The following MVB12B variants were observed in gnomAD, a reference collection of about 807,000 sequenced individuals.
MVB12B encodes multivesicular body subunit 12B.
A neutral mutation model predicts 41.6 loss-of-function variants in MVB12B; 16 were observed. That is an observed-to-expected ratio of 0.38 (90% CI 0.26 to 0.58). The LOEUF is 0.58. Ranked by LOEUF, MVB12B falls within the 20% of genes least tolerant of loss-of-function variation. The probability of loss-of-function intolerance (pLI) is 0.62; values close to 1 mark genes in which losing one functional copy is unlikely to be tolerated. For missense variants in MVB12B, 274 were observed against 380.2 expected (o/e 0.72, Z 2.32); for synonymous variants, 133 against 139.7 (o/e 0.95, Z 0.34).
chr9:126,332,651 T>G (rs912669557), intron 1 of MVB12B, among the ~76,000 whole-genome samples: 2 of 151,844 alleles, frequency 1.3e-5, no homozygotes, highest in Non-Finnish European at 2.9e-5. Flanking sequence ...CTGGAAGGGG[T>G]CTGACAGCTC....
intron 3 of MVB12B, among the ~76,000 whole-genome samples, chr9:126,384,833 GAT>G (rs1830730464): frequency 1.0e-5 from 1 of 97,166 alleles, no homozygotes; most frequent in Non-Finnish European, 1.9e-5. Flanking sequence ...ATGCCTGGCA[GAT>G]TTTTTTTTTT....
chr9:126,476,535 C>A (rs1445340147), intron 7 of MVB12B, among the ~76,000 whole-genome samples: 1 of 152,130 alleles, frequency 6.6e-6, no homozygotes, highest in African/African-American at 2.4e-5. Context: ...CATACGTATG[C>A]ACTTATAATG....
At chr9:126,491,430 ATT>A (rs910302856) in intron 9 of MVB12B, among the ~76,000 whole-genome samples, 12 of 152,164 alleles carry the variant, frequency 7.9e-5, no homozygotes, top group Non-Finnish European at 1.5e-4. Context: ...ATGTTGAAGA[ATT>A]TTGTGGCGCG....
In MVB12B at chr9:126,354,323, A is replaced by G. The variant is rs181181900; in HGVS notation, c.204+13693A>G. Among the ~76,000 whole-genome samples the G allele has an allele frequency of 2.0e-5, 3 of 152,252 alleles. No homozygotes were observed. The East Asian group carries it at 5.8e-4, about 29-fold the overall frequency. The stretch of plus-strand genomic sequence containing the variant: ...GTTGATATGTTTGTTCCTCTTATCA[A>G]AGTTTTGTTTCGTTTTTATGTAATC... On this transcript the variant is annotated intron_variant, in intron 2 of 9. Transcript: ENST00000361171.
intron 7 of MVB12B, among the ~76,000 whole-genome samples, chr9:126,477,301 T>G (rs1833442283): frequency 6.6e-6 from 1 of 152,176 alleles, no homozygotes; most frequent in Non-Finnish European, 1.5e-5. Flanking sequence ...CAGGTCTCGA[T>G]CTCCAACATT....
chr9:126,328,621 G>A (rs1268864492), intron 1 of MVB12B, among the ~76,000 whole-genome samples: 1 of 152,166 alleles, frequency 6.6e-6, no homozygotes. Context: ...TGGGATTATG[G>A]CGTGATGTAA....
At chr9:126,403,950 CTTTTTT>C (rs36030597) in intron 6 of MVB12B, among the ~76,000 whole-genome samples, 1 of 104,730 alleles carries the variant, frequency 9.5e-6, no homozygotes, top group African/African-American at 3.6e-5. Flanking sequence ...TCCTTTAAAT[CTTTTTT>C]TTTTTTTTTT....
intron 7 of MVB12B, among the ~76,000 whole-genome samples, chr9:126,450,530 T>G (rs1832870128): frequency 6.6e-6 from 1 of 152,186 alleles, no homozygotes; most frequent in African/African-American, 2.4e-5. Flanking sequence ...TGAGGATTAT[T>G]TACAGGAAAC....
intron 7 of MVB12B, among the ~76,000 whole-genome samples, chr9:126,425,195 G>A (rs556963043): frequency 1.3e-5 from 2 of 152,240 alleles, no homozygotes; most frequent in African/African-American, 4.8e-5. Context: ...ATCCCTTGAG[G>A]CCAGGAGTTT....
intron 9 of MVB12B, among the ~76,000 whole-genome samples, chr9:126,500,425 G>C (rs906671077): frequency 6.6e-6 from 1 of 151,416 alleles, no homozygotes; most frequent in Admixed American, 6.6e-5. Context: ...TCTGCACAGC[G>C]TGTGGTCTCT....
At chr9:126,445,920 A>G (rs943570620) in intron 7 of MVB12B, among the ~76,000 whole-genome samples, 1 of 152,120 alleles carries the variant, frequency 6.6e-6, no homozygotes, top group Non-Finnish European at 1.5e-5. Flanking sequence ...AATACAGATC[A>G]TTTTGTCTCT....
At chr9:126,403,598 A>G (rs1205636532) in intron 6 of MVB12B, among the ~76,000 whole-genome samples, 1 of 152,194 alleles carries the variant, frequency 6.6e-6, no homozygotes, top group Non-Finnish European at 1.5e-5. Flanking sequence ...TTAAAGCCTC[A>G]AAAGAGGCTA....
intron 2 of MVB12B, among the ~76,000 whole-genome samples, chr9:126,350,628 A>G (rs1165691391): frequency 6.6e-6 from 1 of 152,176 alleles, no homozygotes; most frequent in African/African-American, 2.4e-5. Context: ...GAGTGCTAAC[A>G]TGCTAGCTCA....
At chr9:126,406,731 T>C (rs1408736871) in intron 6 of MVB12B, among the ~76,000 whole-genome samples, 1 of 152,252 alleles carries the variant, frequency 6.6e-6, no homozygotes, top group African/African-American at 2.4e-5. Context: ...GTCGGTGTTT[T>C]GGCATTGCAA....
chr9:126,424,391 G>C lies in MVB12B; in HGVS notation c.757+2443G>C, dbSNP rs147198543. 1.1e-4 allele frequency among the ~76,000 whole-genome samples: 16 copies of C among 152,262 alleles called. No homozygotes were observed. In the East Asian group the frequency reaches 3.1e-3, roughly 29 times the overall value. On this transcript the variant is annotated intron_variant, in intron 7 of 9. Coordinates refer to ENST00000361171, the MANE Select transcript of MVB12B (RefSeq NM_033446.3). ...GTAGTCCCATCCCTGGCACAAAGCA[G>C]TGCTCATGATGTGGTCATGGAAGGA...
At chr9:126,330,682 C>T (rs980522431) in intron 1 of MVB12B, among the ~76,000 whole-genome samples, 1 of 152,170 alleles carries the variant, frequency 6.6e-6, no homozygotes, top group South Asian at 2.1e-4. Context: ...TATGCACATT[C>T]ACACTGTGGT....
At position 126,357,737 on chromosome 9, in the gene MVB12B, T is replaced by C. The variant is rs774513001; in HGVS notation, c.204+17107T>C. 2.6e-5 allele frequency among the ~76,000 whole-genome samples: 4 copies of C among 152,226 alleles called. No homozygotes were observed. In the South Asian group the frequency reaches 6.2e-4, roughly 24 times the overall value. ...GTATATTTTAAGTACAATTCCTTTG[T>C]TGGATATGTATGAACTATTTTCTCC... On this transcript the variant is annotated intron_variant, in intron 2 of 9. Transcript: ENST00000361171.
intron 7 of MVB12B, among the ~76,000 whole-genome samples, chr9:126,441,115 G>C (rs1004225051): frequency 1.3e-5 from 2 of 152,182 alleles, no homozygotes; most frequent in Non-Finnish European, 2.9e-5. Context: ...ATTCCGTTTG[G>C]AGCACAGAAA....
chr9:126,361,312 T>G (rs1449201038), intron 2 of MVB12B, among the ~76,000 whole-genome samples: 2 of 152,232 alleles, frequency 1.3e-5, no homozygotes, highest in East Asian at 3.8e-4. Flanking sequence ...AATACACAAC[T>G]TCATGTGTAG....
Sources: gnomAD v4.1 joint callset for allele counts (sites outside exome capture counted in the v4.1 genomes callset) on GRCh38, gnomAD v4.1.1 for gene constraint, MANE v1.5 for transcripts, NCBI Gene and HGNC (gene_info 2026-07-23, HGNC 2026-07-21) for gene names.